The following IQCM variants were observed in gnomAD, a reference collection of about 807,000 sequenced individuals.
The protein encoded by IQCM is IQ domain-containing protein M.
A neutral mutation model predicts 57.6 loss-of-function variants in IQCM; 45 were observed. The observed-to-expected ratio is 0.78, with a 90% CI of 0.62 to 1.00. The LOEUF (loss-of-function observed/expected upper bound fraction) is 1.00. Among genes scored for constraint, IQCM ranks in the 50% least tolerant of loss-of-function variants. The pLI is 0.00. For synonymous variants in IQCM, 148 were observed against 158.9 expected (o/e 0.93, Z 0.51); for missense variants, 468 against 511.6 (o/e 0.91, Z 0.82).
At chr4:149,541,193 C>T (rs1260371232) in intron 12 of IQCM, among the ~76,000 whole-genome samples, 1 of 152,084 alleles carries the variant, frequency 6.6e-6, no homozygotes, top group Non-Finnish European at 1.5e-5. Context: ...GTGGACAAAG[C>T]TGTGGTCTGA....
chr4:149,490,932 A>T (rs895604323), intron 12 of IQCM, among the ~76,000 whole-genome samples: 1 of 152,162 alleles, frequency 6.6e-6, no homozygotes, highest in Non-Finnish European at 1.5e-5. Context: ...AACAGAAGGG[A>T]AACAGATGCT....
intron 5 of IQCM, among the ~76,000 whole-genome samples, chr4:149,722,821 T>TG (rs1166428364): frequency 6.6e-6 from 1 of 151,860 alleles, no homozygotes; most frequent in Non-Finnish European, 1.5e-5. Context: ...TCTAATTCTG[T>TG]GGGAAAAAAA....
chr4:149,469,664 A>T (rs1189770447), intron 12 of IQCM, among the ~76,000 whole-genome samples: 1 of 152,110 alleles, frequency 6.6e-6, no homozygotes, highest in Non-Finnish European at 1.5e-5. Flanking sequence ...TCCAAGACAC[A>T]TAATTGTCAG....
chr4:149,778,291 G>C, intron 2 of IQCM, among the ~76,000 whole-genome samples: 1 of 152,204 alleles, frequency 6.6e-6, no homozygotes, highest in Admixed American at 6.5e-5. Context: ...CAGGAGAATG[G>C]CGTGAACCTG....
intron 7 of IQCM, among the ~76,000 whole-genome samples, chr4:149,664,536 C>A (rs1760516383): frequency 1.3e-5 from 2 of 152,114 alleles, no homozygotes. Flanking sequence ...GTAGCATCAT[C>A]TCTGTGCAAT....
chr4:149,804,561 T>G (rs1363642680), intron 2 of IQCM, among the ~76,000 whole-genome samples: 2 of 152,076 alleles, frequency 1.3e-5, no homozygotes, highest in African/African-American at 4.8e-5. Flanking sequence ...TTTCTTGTTG[T>G]GAAGACAGAA....
At chr4:149,811,656 TG>T (rs1201354310) in intron 2 of IQCM, among the ~76,000 whole-genome samples, 1 of 152,184 alleles carries the variant, frequency 6.6e-6, no homozygotes, top group Non-Finnish European at 1.5e-5. Flanking sequence ...TTCTGCCTTT[TG>T]GATGACAATA....
rs190761834 is a variant in IQCM, at chr4:149,672,592, A to T, written c.565+9526T>A. On this transcript the variant is annotated intron_variant, in intron 7 of 13. Transcript: ENST00000636793. ...AGTTTAGAGAAAAAAGAGTAAAAAG[A>T]AACTAACAAAGCCCTCAAGAAATAT... 5.9e-5 allele frequency among the ~76,000 whole-genome samples: 9 copies of T among 152,318 alleles called. No homozygotes were observed. The East Asian group carries it at 7.7e-4, about 13-fold the overall frequency.
intron 12 of IQCM, among the ~76,000 whole-genome samples, chr4:149,484,708 G>A (rs918919712): frequency 3.3e-5 from 5 of 151,962 alleles, no homozygotes; most frequent in Middle Eastern, 6.8e-3. Context: ...TTCATCATTT[G>A]GTATTTCTAC....
chr4:149,659,278 G>A (rs542933683), intron 7 of IQCM, among the ~76,000 whole-genome samples: 8 of 152,134 alleles, frequency 5.3e-5, no homozygotes, highest in African/African-American at 1.9e-4. Context: ...ACTTACAAGG[G>A]ACGTGAAGGA....
intron 8 of IQCM, among the ~76,000 whole-genome samples, chr4:149,593,764 G>A (rs1026407491): frequency 1.3e-5 from 2 of 152,044 alleles, no homozygotes; most frequent in Non-Finnish European, 2.9e-5. Flanking sequence ...TATGTTTATT[G>A]ACTTGCATAT....
intron 12 of IQCM, among the ~76,000 whole-genome samples, chr4:149,510,164 T>G (rs1744253118): frequency 6.6e-6 from 1 of 152,158 alleles, no homozygotes; most frequent in Non-Finnish European, 1.5e-5. Flanking sequence ...CTCTTTTAAA[T>G]TTTTAACAAT....
intron 13 of IQCM, among the ~76,000 whole-genome samples, chr4:149,378,347 T>C (rs974822605): frequency 2.6e-5 from 4 of 151,940 alleles, no homozygotes; most frequent in Admixed American, 1.3e-4. Flanking sequence ...CAGAAAAAGA[T>C]AGGAAAATGT....
At position 149,522,475 on chromosome 4, in the gene IQCM, C is replaced by A. The variant is rs543643623; in HGVS notation, c.1228+25980G>T. ...CGTAAGAAAACATACCATTAAAGAC[C>A]AAAAAGACTTTCTACAACAACACAA... On this transcript the variant is annotated intron_variant, in intron 12 of 13. Transcript: ENST00000636793. 3.3e-5 allele frequency among the ~76,000 whole-genome samples: 5 copies of A among 152,168 alleles called. No homozygotes were observed. The East Asian group carries it at 9.7e-4, about 29-fold the overall frequency.
intron 12 of IQCM, among the ~76,000 whole-genome samples, chr4:149,518,151 T>C (rs1745185527): frequency 6.6e-6 from 1 of 152,000 alleles, no homozygotes; most frequent in Non-Finnish European, 1.5e-5. Context: ...AAAAAGTACA[T>C]TTCACCTACC....
chr4:149,578,058 G>A (rs1010499565), intron 9 of IQCM, among the ~76,000 whole-genome samples: 2 of 151,676 alleles, frequency 1.3e-5, no homozygotes, highest in Non-Finnish European at 2.9e-5. Flanking sequence ...ACTGACTTTG[G>A]TTCATTGATT....
At chr4:149,769,839 G>C (rs1256559849) in intron 2 of IQCM, among the ~76,000 whole-genome samples, 3 of 151,952 alleles carry the variant, frequency 2.0e-5, no homozygotes, top group African/African-American at 7.2e-5. Context: ...TACAATTATG[G>C]TTGGAAAGTT....
At chr4:149,567,719 C>G (rs1205605059) in intron 9 of IQCM, among the ~76,000 whole-genome samples, 2 of 152,158 alleles carry the variant, frequency 1.3e-5, no homozygotes, top group South Asian at 4.2e-4. Context: ...TTGGGTATCC[C>G]AGATGGCTTC....
chr4:149,655,791 T>C (rs17625203), intron 7 of IQCM, among the ~76,000 whole-genome samples: 24,575 of 152,116 alleles, frequency 0.16, 2,352 homozygotes, highest in South Asian at 0.34. Context: ...CTTTATACTA[T>C]GCTTTAGTTC....
Sources: gnomAD v4.1 joint callset for allele counts (sites outside exome capture counted in the v4.1 genomes callset) on GRCh38, gnomAD v4.1.1 for gene constraint, MANE v1.5 for transcripts, NCBI Gene and HGNC (gene_info 2026-07-23, HGNC 2026-07-21) for gene names.